SLC3A1: variants seen among roughly 807,000 people sequenced by gnomAD.
SLC3A1 encodes the protein amino acid transporter heavy chain SLC3A1.
A neutral mutation model predicts 60.3 loss-of-function variants in SLC3A1; 78 were observed. The ratio of observed to expected loss-of-function variants is 1.29; its 90% confidence interval spans 1.08 to 1.56. The LOEUF is 1.56. Among genes scored for constraint, SLC3A1 ranks in the 40% most tolerant of loss-of-function variants. The pLI, the probability that SLC3A1 is intolerant of heterozygous loss-of-function variation, is 0.00. For missense variants in SLC3A1, 1,172 were observed against 858.9 expected, an observed-to-expected ratio of 1.36 and a Z score of -4.56; for synonymous variants, 392 against 307.9, an observed-to-expected ratio of 1.27 and a Z score of -2.86.
intron 1 of SLC3A1, among the ~76,000 whole-genome samples, chr2:44,278,806 A>G (rs944050781): frequency 7.9e-5 from 12 of 152,106 alleles, no homozygotes; most frequent in Admixed American, 7.2e-4. Context: ...CTGGGTTCCT[A>G]TATAAGTGAA....
chr2:44,301,532 A>G (rs1672007865), intron 6 of SLC3A1: 5 of 337,668 alleles, frequency 1.5e-5, no homozygotes, highest in South Asian at 1.3e-4. Flanking sequence ...CGAGGTCAGG[A>G]GTTTGAGACC....
chr2:44,308,506 T>A (rs972601540), intron 7 of SLC3A1, among the ~76,000 whole-genome samples: 16 of 151,446 alleles, frequency 1.1e-4, no homozygotes, highest in African/African-American at 2.9e-4. Flanking sequence ...TTTGATGATG[T>A]TTTGTATTTT....
intron 3 of SLC3A1, among the ~76,000 whole-genome samples, chr2:44,284,151 C>T (rs375881226): frequency 1.3e-5 from 2 of 152,116 alleles, no homozygotes; most frequent in South Asian, 4.1e-4. Context: ...GTGATCTTGG[C>T]TCACTGCAAC....
intron 6 of SLC3A1, among the ~76,000 whole-genome samples, chr2:44,301,789 T>G (rs964481002): frequency 1.9e-4 from 27 of 145,534 alleles, no homozygotes; most frequent in African/African-American, 6.4e-4. Flanking sequence ...TCCACCTGGG[T>G]GCGGTAGCTC....
At chr2:44,293,343 C>G (rs1362321165) in intron 4 of SLC3A1, among the ~76,000 whole-genome samples, 1 of 151,910 alleles carries the variant, frequency 6.6e-6, no homozygotes, top group African/African-American at 2.4e-5. Flanking sequence ...ATGGTGAAAC[C>G]CCATCTCTCC....
At chr2:44,306,405 TGCCAGA>T (rs1181506202) in intron 7 of SLC3A1, among the ~76,000 whole-genome samples, 1 of 152,186 alleles carries the variant, frequency 6.6e-6, no homozygotes, top group Non-Finnish European at 1.5e-5. Context: ...GTGTTTCCAT[TGCCAGA>T]GCCTTTCTCC....
intron 9 of SLC3A1, among the ~76,000 whole-genome samples, chr2:44,316,925 G>A (rs1672483112): frequency 6.6e-6 from 1 of 152,054 alleles, no homozygotes; most frequent in African/African-American, 2.4e-5. Context: ...AGAAGGAAAA[G>A]GAAATAACTT....
chr2:44,308,545 C>G (rs1484031804), intron 7 of SLC3A1, among the ~76,000 whole-genome samples: 2 of 151,992 alleles, frequency 1.3e-5, no homozygotes, highest in Admixed American at 1.3e-4. Flanking sequence ...ACTTTTTGTT[C>G]AGTTTATTCC....
intron 4 of SLC3A1, among the ~76,000 whole-genome samples, chr2:44,288,102 AC>A: frequency 6.6e-6 from 1 of 150,456 alleles, no homozygotes; most frequent in Non-Finnish European, 1.5e-5. Context: ...ATCTTGGCTC[AC>A]TGCAACTTGT....
intron 3 of SLC3A1, among the ~76,000 whole-genome samples, chr2:44,284,655 T>C (rs1333297883): frequency 6.6e-6 from 1 of 152,124 alleles, no homozygotes; most frequent in Admixed American, 6.5e-5. Context: ...CTCGAGCTCC[T>C]AGGCTCAAGC....
intron 6 of SLC3A1, 75 bp from the exon 7 acceptor site, chr2:44,304,068 A>C (rs1672087918): frequency 9.0e-7 from 1 of 1,107,006 alleles, no homozygotes; most frequent in East Asian, 2.3e-5. Context: ...TGTACATGCA[A>C]GATAAGCAGC....
At chr2:44,316,361 A>G (rs1672453353) in intron 9 of SLC3A1, 1 of 152,232 alleles carries the variant, frequency 6.6e-6, no homozygotes, top group African/African-American at 2.4e-5. Context: ...GAAGTATAAA[A>G]GACTGTCAAA....
At position 44,313,818 on chromosome 2, in the gene SLC3A1, C is replaced by T. The variant is rs375489074; in HGVS notation, c.1501-17C>T. The T allele has an allele frequency of 1.0e-4, 158 of 1,581,724 alleles. 1 individual carries two copies. Among genetic ancestry groups the T allele is most frequent in the Non-Finnish European group, 1.3e-4 (154 of 1,150,542 alleles). On this transcript the variant is annotated splice_polypyrimidine_tract_variant and intron_variant, in intron 8 of 9. Coordinates refer to ENST00000260649, the MANE Select transcript of SLC3A1 (RefSeq NM_000341.4). Reference sequence around the variant, plus strand: ...ATAACCAAACCACTGTTTTCCCTTTCTGGTCTTTTGACATAGAATACCCTT... The same window carrying T: ...ATAACCAAACCACTGTTTTCCCTTTTTGGTCTTTTGACATAGAATACCCTT...
intron 7 of SLC3A1, among the ~76,000 whole-genome samples, chr2:44,306,145 A>T (rs191679729): frequency 1.4e-4 from 21 of 152,214 alleles, no homozygotes; most frequent in Admixed American, 1.2e-3. Context: ...ATATAGAGAG[A>T]GAGTTGCCTT....
In SLC3A1 at chr2:44,312,620, G is replaced by A. The variant is rs373852467; in HGVS notation, c.1367G>A (p.Arg456His). The change falls in exon 8 of 10, where the codon CGT becomes CAT. Residue 456 changes from arginine to histidine, a missense_variant. By Grantham distance (29) the Arg-to-His change is conservative. Coordinates refer to ENST00000260649, the MANE Select transcript of SLC3A1 (RefSeq NM_000341.4). Reference protein sequence around the residue: ...GGPDSSRLTSRLGNQYVNVMN... With the variant: ...GGPDSSRLTSHLGNQYVNVMN... The stretch of plus-strand genomic sequence containing the variant: ...CCAGACAGTTCACGGCTGACTTCGC[G>A]TTTGGGGAATCAGTATGTCAACGTG... 1.5e-5 allele frequency: 25 copies of A among 1,613,872 alleles called. No individual in the cohort carries two copies. The highest frequency in any genetic ancestry group is 1.9e-5 in the Non-Finnish European group (22 of 1,179,912).
intron 7 of SLC3A1, among the ~76,000 whole-genome samples, chr2:44,311,376 T>A (rs1029425411): frequency 2.6e-5 from 4 of 152,222 alleles, no homozygotes; most frequent in African/African-American, 9.6e-5. Flanking sequence ...TGTTTGGTCT[T>A]CCTAAGCAAT....
intron 4 of SLC3A1, among the ~76,000 whole-genome samples, chr2:44,291,271 C>T (rs755780564): frequency 6.6e-6 from 1 of 152,110 alleles, no homozygotes; most frequent in Non-Finnish European, 1.5e-5. Flanking sequence ...GTTTATCAGG[C>T]AGTAGATTTT....
intron 4 of SLC3A1, among the ~76,000 whole-genome samples, chr2:44,296,922 C>T (rs528813108): frequency 1.8e-4 from 28 of 152,268 alleles, no homozygotes; most frequent in South Asian, 6.2e-4. Flanking sequence ...CGCCTGCTGT[C>T]ATGTAAGATG....
chr2:44,285,091 T>G (rs1671583098), intron 3 of SLC3A1: 1 of 152,204 alleles, frequency 6.6e-6, no homozygotes. Context: ...TTTCTTCAGT[T>G]CCTTTTGTAT....
Sources: allele counts gnomAD v4.1 joint callset (sites outside exome capture counted in the v4.1 genomes callset), GRCh38; gene constraint gnomAD v4.1.1; transcripts MANE v1.5; gene names NCBI Gene and HGNC (gene_info 2026-07-23, HGNC 2026-07-21).